ZNF714: variants seen among roughly 807,000 people sequenced by gnomAD.
ZNF714 encodes zinc finger protein 714.
Under a neutral mutation model 46.2 loss-of-function variants are expected in ZNF714, and 32 were observed. The ratio of observed to expected loss-of-function variants is 0.69; its 90% CI spans 0.52 to 0.93. The LOEUF (loss-of-function observed/expected upper bound fraction) is 0.93, where lower values mean the gene tolerates loss of function less well. Ranked by LOEUF, ZNF714 falls within the 40% of genes least tolerant of loss-of-function variation. ZNF714 has a pLI of 0.00. For synonymous variants in ZNF714, 199 were observed against 213.1 expected (o/e 0.93, Z 0.58); for missense variants, 635 against 646.3 (o/e 0.98, Z 0.19).
intron 2 of ZNF714, among the ~76,000 whole-genome samples, chr19:21,084,916 G>A (rs1017412626): frequency 2.6e-5 from 4 of 151,872 alleles, no homozygotes; most frequent in African/African-American, 4.8e-5. Context: ...CACCACGCCC[G>A]GCCAGCAGGA....
chr19:21,084,091 G>A, intron 2 of ZNF714, 22 bp downstream of exon 2: 2 of 1,009,026 alleles, frequency 2.0e-6, no homozygotes, highest in Non-Finnish European at 2.4e-6. Flanking sequence ...CTGGTACTGA[G>A]GGGAAAACAC....
chr19:21,084,768 A>G (rs1968736471), intron 2 of ZNF714, among the ~76,000 whole-genome samples: 2 of 139,814 alleles, frequency 1.4e-5, no homozygotes, highest in East Asian at 2.1e-4. Context: ...CAGTGGTATG[A>G]TCTCGGCTCA....
intron 4 of ZNF714, among the ~76,000 whole-genome samples, chr19:21,108,077 C>T (rs1969365166): frequency 6.6e-6 from 1 of 152,090 alleles, no homozygotes; most frequent in African/African-American, 2.4e-5. Context: ...ACATGCACTA[C>T]CATGCCTCGC....
rs1304787807 is a variant in ZNF714, at chr19:21,116,913, A to G, written c.249A>G (p.Leu83=). Residue 83 remains leucine, a synonymous_variant, in exon 5 of 5, where the codon TTA becomes TTG. Coordinates refer to ENST00000456283, the MANE Select transcript of ZNF714 (RefSeq NM_182515.4). The part of the protein sequence containing the change: ...RRHGKCEHEN[L]QLRKGSANVV... ...ATGGCAAATGTGAACATGAGAATTT[A>G]CAGTTAAGAAAAGGCTCCGCAAATG... The G allele has an allele frequency of 6.2e-7, 1 of 1,613,970 alleles. No homozygotes were observed. The highest frequency in any genetic ancestry group is 8.5e-7 in the Non-Finnish European group (1 of 1,179,898).
intron 2 of ZNF714, 28 bp from the exon 3 acceptor site, chr19:21,098,157 C>T (rs757383682): frequency 1.1e-5 from 18 of 1,585,046 alleles, no homozygotes; most frequent in Admixed American, 5.8e-5. Flanking sequence ...GGTAAATATA[C>T]GTGTGTCTGT....
At chr19:21,110,803 A>G (rs1487262867) in intron 4 of ZNF714, among the ~76,000 whole-genome samples, 2 of 152,156 alleles carry the variant, frequency 1.3e-5, no homozygotes, top group African/African-American at 4.8e-5. Context: ...TTTTCTGCCT[A>G]TGGCTAGCTA....
In ZNF714 at chr19:21,124,735, A is replaced by G. The variant is rs547491682; in HGVS notation, c.*6403A>G. The stretch of plus-strand genomic sequence containing the variant: ...TTTGACTATAATTACTTATTATTTG[A>G]CAGACTTTCCAAACCCCCATTTCTT... On this transcript the variant is annotated 3_prime_UTR_variant, in exon 5 of 5. Coordinates refer to ENST00000456283, the MANE Select transcript of ZNF714 (RefSeq NM_182515.4). Among the ~76,000 whole-genome samples the G allele has an allele frequency of 6.6e-6, 1 of 152,148 alleles. No individual in the cohort carries two copies. Among genetic ancestry groups the G allele is most frequent in the African/African-American group, 2.4e-5 (1 of 41,542 alleles).
intron 2 of ZNF714, among the ~76,000 whole-genome samples, chr19:21,086,292 G>A (rs1031480935): frequency 6.6e-6 from 1 of 152,048 alleles, no homozygotes; most frequent in Non-Finnish European, 1.5e-5. Flanking sequence ...TCTTGATTTC[G>A]CTCAAGAAAA....
chr19:21,112,840 T>TTTTTTTTTTTTTTTTTTAA (rs1969488315), intron 4 of ZNF714, among the ~76,000 whole-genome samples: 1 of 133,026 alleles, frequency 7.5e-6, no homozygotes, highest in Non-Finnish European at 1.6e-5. Context: ...TTTTTTTTTT[T>TTTTTTTTTTTTTTTTTTAA]GAGACGGAGT....
At chr19:21,091,238 T>G (rs887932573) in intron 2 of ZNF714, 2 of 152,232 alleles carry the variant, frequency 1.3e-5, no homozygotes, top group African/African-American at 4.8e-5. Flanking sequence ...CCATGGCATT[T>G]ATAAACTATC....
At chr19:21,100,795 C>T (rs1969160238) in intron 4 of ZNF714, among the ~76,000 whole-genome samples, 1 of 152,136 alleles carries the variant, frequency 6.6e-6, no homozygotes, top group African/African-American at 2.4e-5. Context: ...ACTGCAACCT[C>T]CACCTCCTGG....
At position 21,119,750 on chromosome 19, in the gene ZNF714, A is replaced by G. The variant is rs907568604; in HGVS notation, c.*1418A>G. ...ATATCAGAATTTATGGTAGAAATAC[A>G]TAAGGCACTGACAACATCAGATATA... is the stretch of plus-strand genomic sequence containing the variant. On this transcript the variant is annotated 3_prime_UTR_variant, in exon 5 of 5. Coordinates refer to ENST00000456283, the MANE Select transcript of ZNF714 (RefSeq NM_182515.4). 6.6e-6 allele frequency: 1 copy of G among 152,256 alleles called. No individual in the cohort carries two copies. The highest frequency in any genetic ancestry group is 1.5e-5 in the Non-Finnish European group (1 of 68,044). The allele number at this position is 152,256 out of a possible 1,614,324, so 9.4% of individuals were successfully genotyped here.
intron 2 of ZNF714, among the ~76,000 whole-genome samples, chr19:21,086,197 C>A (rs998055598): frequency 6.6e-6 from 1 of 152,100 alleles, no homozygotes; most frequent in African/African-American, 2.4e-5. Context: ...AAGACAAATT[C>A]AGCTGAATCT....
In ZNF714 at chr19:21,120,612, A is replaced by G. The variant is rs1292744870; in HGVS notation, c.*2280A>G. 1 of 152,196 alleles carries G rather than the reference A, an allele frequency of 6.6e-6. No homozygotes were observed. Among genetic ancestry groups the G allele is most frequent in the Non-Finnish European group, 1.5e-5 (1 of 68,032 alleles). 9.4% of individuals were successfully genotyped at this position (152,196 alleles called of 1,614,324 possible). On this transcript the variant is annotated 3_prime_UTR_variant, in exon 5 of 5. Transcript: ENST00000456283. ...TAAAATTTTAGATTGTGTGAAGTTA[A>G]TAGTTTAACATTTTTAACATGTTAA... is the stretch of plus-strand genomic sequence containing the variant.
rs1345189959 is a variant in ZNF714 at position 21,121,553 on chromosome 19, TTAAA to T, written c.*3224_*3227del. On this transcript the variant is annotated 3_prime_UTR_variant, in exon 5 of 5. Transcript: ENST00000456283. ...TGCAGACTTTTTGATTCACATAGAG[TTAAA>T]TATGTATTAGTCTAAAGACAAACTT... 6.6e-6 allele frequency: 1 copy of T among 152,176 alleles called. No homozygotes were observed. The highest frequency in any genetic ancestry group is 2.4e-5 in the African/African-American group (1 of 41,434). The allele number at this position is 152,176 out of a possible 1,614,324, so 9.4% of individuals were successfully genotyped here.
intron 1 of ZNF714, among the ~76,000 whole-genome samples, 185 bp from the exon 2 acceptor site, chr19:21,083,793 C>G (rs7258450): frequency 6.6e-6 from 1 of 151,960 alleles, no homozygotes; most frequent in Non-Finnish European, 1.5e-5. Flanking sequence ...AAGATCTTGT[C>G]AGAATGTTTT....
rs989900970 is a variant in ZNF714 at position 21,123,644 on chromosome 19, A to G, written c.*5312A>G. Among the ~76,000 whole-genome samples the G allele has an allele frequency of 3.9e-5, 6 of 152,186 alleles. No individual in the cohort carries two copies. Among genetic ancestry groups the G allele is most frequent in the Non-Finnish European group, 1.5e-5 (1 of 68,030 alleles). ...TGGTGGGATTACAGGCATGAGCCAC[A>G]GTGCCCGGCCACGAATTTAATTTTC... On this transcript the variant is annotated 3_prime_UTR_variant, in exon 5 of 5. Coordinates refer to ENST00000456283, the MANE Select transcript of ZNF714 (RefSeq NM_182515.4).
At chr19:21,089,007 C>T (rs1968848314) in intron 2 of ZNF714, among the ~76,000 whole-genome samples, 1 of 152,172 alleles carries the variant, frequency 6.6e-6, no homozygotes, top group African/African-American at 2.4e-5. Flanking sequence ...ATGTGAAGAG[C>T]TGAGTTTTTC....
intron 4 of ZNF714, among the ~76,000 whole-genome samples, chr19:21,103,544 T>A (rs1969238550): frequency 6.6e-6 from 1 of 151,806 alleles, no homozygotes; most frequent in Non-Finnish European, 1.5e-5. Flanking sequence ...CAGAGCGAGA[T>A]TATGTCTCAA....
Sources: gnomAD v4.1 joint callset for allele counts (sites outside exome capture counted in the v4.1 genomes callset) on GRCh38, gnomAD v4.1.1 for gene constraint, MANE v1.5 for transcripts, NCBI Gene and HGNC (gene_info 2026-07-23, HGNC 2026-07-21) for gene names.